Variants in DNAH7 observed in about 807,000 individuals in gnomAD.
The protein encoded by DNAH7 is axonemal beta dynein heavy chain 7.
Under a neutral mutation model 444.6 loss-of-function variants are expected in DNAH7, and 397 were observed. The observed-to-expected ratio is 0.89, with a 90% CI of 0.82 to 0.97. DNAH7 has a LOEUF of 0.97. Ranked by LOEUF, DNAH7 falls within the 50% of genes least tolerant of loss-of-function variation. The pLI, the probability that DNAH7 is intolerant of heterozygous loss-of-function variation, is 0.00. For synonymous variants in DNAH7, 1,636 were observed against 1,624.4 expected (o/e 1.01, Z -0.17); for missense variants, 4,902 against 4,800.8 (o/e 1.02, Z -0.62).
intron 35 of DNAH7, among the ~76,000 whole-genome samples, chr2:195,884,374 A>G (rs1701587070): frequency 6.6e-6 from 1 of 152,188 alleles, no homozygotes; most frequent in Non-Finnish European, 1.5e-5. Context: ...AGAGAAATCA[A>G]CTAGTCCATG....
In DNAH7 at chr2:195,895,189, T is replaced by G. The variant is rs751474818; in HGVS notation, c.4683A>C (p.Leu1561Phe). The change falls in exon 30 of 65, where the codon TTA becomes TTC. Residue 1561 changes from leucine to phenylalanine, a missense_variant. Leu to Phe is a conservative substitution (Grantham distance 22). Transcript: ENST00000312428. ...GCAAATCATTGTAATCTGGTTTTGG[T>G]AATTTTACCCCAGGAAACAAATCCG... ...ITSDLFPGVK[L>F]PKPDYNDLLA... 6.2e-7 allele frequency: 1 copy of G among 1,611,010 alleles called. No homozygotes were observed. The highest frequency in any genetic ancestry group is 8.5e-7 in the Non-Finnish European group (1 of 1,177,958).
At chr2:195,967,119 G>T (rs901326839) in intron 17 of DNAH7, among the ~76,000 whole-genome samples, 1 of 151,718 alleles carries the variant, frequency 6.6e-6, no homozygotes, top group African/African-American at 2.4e-5. Flanking sequence ...TTGTTTATCT[G>T]TTGTATATAG....
At chr2:195,769,858 A>C (rs955628210) in intron 61 of DNAH7, among the ~76,000 whole-genome samples, 16 of 152,176 alleles carry the variant, frequency 1.1e-4, no homozygotes, top group African/African-American at 3.9e-4. Context: ...AACGTGATAC[A>C]GACTCTGAAA....
intron 36 of DNAH7, among the ~76,000 whole-genome samples, chr2:195,880,584 C>G (rs902149658): frequency 3.9e-5 from 6 of 152,016 alleles, no homozygotes; most frequent in Admixed American, 1.3e-4. Flanking sequence ...GTGATCCCCC[C>G]GCCTCGGCCT....
chr2:196,047,333 G>C lies in DNAH7; in HGVS notation c.398+19C>G. 4 of 1,542,288 alleles carry C rather than the reference G, an allele frequency of 2.6e-6. No homozygotes were observed. Among genetic ancestry groups the C allele is most frequent in the Non-Finnish European group, 3.5e-6 (4 of 1,140,596 alleles). On this transcript the variant is annotated intron_variant, in intron 5 of 64. Coordinates refer to ENST00000312428, the MANE Select transcript of DNAH7 (RefSeq NM_018897.3). ...GCTCTAACATGGGTAACACGTAATG[G>C]TTAGCCTATACAACTTACATAATGA...
intron 57 of DNAH7, among the ~76,000 whole-genome samples, chr2:195,792,232 G>C (rs988189664): frequency 6.6e-6 from 1 of 150,944 alleles, no homozygotes; most frequent in African/African-American, 2.4e-5. Flanking sequence ...AGGGAGTGAG[G>C]GGGCAAGGGC....
chr2:195,985,738 GCT>G (rs1692863748), intron 14 of DNAH7, among the ~76,000 whole-genome samples: 1 of 152,172 alleles, frequency 6.6e-6, no homozygotes, highest in Non-Finnish European at 1.5e-5. Flanking sequence ...AGGGGAAGTA[GCT>G]ACGAAATTAA....
chr2:195,781,974 T>TACACACACACAC (rs1357047428), intron 58 of DNAH7, among the ~76,000 whole-genome samples: 1 of 44,380 alleles, frequency 2.3e-5, no homozygotes, highest in Non-Finnish European at 4.7e-5. Flanking sequence ...AGGTGGGTCT[T>TACACACACACAC]ATACACACAC....
chr2:195,852,891 T>TACACACACACACACACACACAC (rs4014237), intron 46 of DNAH7, among the ~76,000 whole-genome samples: 2 of 138,956 alleles, frequency 1.4e-5, no homozygotes, highest in African/African-American at 5.6e-5. Context: ...GCTGATGAAG[T>TACACACACACACACACACACAC]ACACACACAC....
chr2:195,974,869 G>A (rs558923950), intron 15 of DNAH7, among the ~76,000 whole-genome samples: 54 of 150,708 alleles, frequency 3.6e-4, no homozygotes, highest in African/African-American at 1.3e-3. Context: ...AGACTGATAC[G>A]TAAAAATTGG....
At chr2:196,065,399 A>C (rs1490659431) in intron 1 of DNAH7, among the ~76,000 whole-genome samples, 2 of 152,214 alleles carry the variant, frequency 1.3e-5, no homozygotes, top group East Asian at 3.8e-4. Flanking sequence ...ACAACTGTTA[A>C]TCCAACTGAT....
At chr2:196,042,810 T>C (rs73987677) in intron 5 of DNAH7, among the ~76,000 whole-genome samples, 6,708 of 152,132 alleles carry the variant, frequency 0.044, 342 homozygotes, top group African/African-American at 0.12. Flanking sequence ...GTTGAACATA[T>C]ACCTACTATA....
intron 12 of DNAH7, chr2:195,994,231 T>A: frequency 6.6e-6 from 2 of 303,814 alleles, no homozygotes; most frequent in Admixed American, 4.4e-5. Flanking sequence ...GTAAGGAGAA[T>A]GCACATGAAG....
chr2:196,042,500 T>C lies in DNAH7; in HGVS notation c.398+4852A>G, dbSNP rs139796229. On this transcript the variant is annotated intron_variant, in intron 5 of 64. Coordinates refer to ENST00000312428, the MANE Select transcript of DNAH7 (RefSeq NM_018897.3). Reference sequence around the variant, plus strand: ...GGAAATACATAAAGAACTCTTCCAATGCATACAGCAGCAGCAAACTACGCA... The same window carrying C: ...GGAAATACATAAAGAACTCTTCCAACGCATACAGCAGCAGCAAACTACGCA... 3.0e-3 allele frequency among the ~76,000 whole-genome samples: 463 copies of C among 152,024 alleles called. 3 individuals are homozygous for C. Among genetic ancestry groups the C allele is most frequent in the African/African-American group, 0.011 (444 of 41,528 alleles).
At chr2:195,959,474 G>A (rs1354828961) in intron 18 of DNAH7, among the ~76,000 whole-genome samples, 2 of 152,124 alleles carry the variant, frequency 1.3e-5, no homozygotes, top group Non-Finnish European at 2.9e-5. Flanking sequence ...GCATGCTGGA[G>A]CAAGCTGGCA....
chr2:195,988,623 T>C (rs1022689113), intron 12 of DNAH7, among the ~76,000 whole-genome samples: 3 of 152,160 alleles, frequency 2.0e-5, no homozygotes. Context: ...ACATTGTGTA[T>C]TGATCAAATC....
At chr2:196,009,999 A>T (rs999446140) in intron 10 of DNAH7, among the ~76,000 whole-genome samples, 1 of 152,226 alleles carries the variant, frequency 6.6e-6, no homozygotes, top group African/African-American at 2.4e-5. Context: ...AATCAAAAGC[A>T]CACTGAGATA....
At chr2:195,955,376 T>C (rs1408177270) in intron 19 of DNAH7, among the ~76,000 whole-genome samples, 1 of 152,190 alleles carries the variant, frequency 6.6e-6, no homozygotes, top group Non-Finnish European at 1.5e-5. Flanking sequence ...TCTGTTCCAT[T>C]GGTCTATATC....
intron 58 of DNAH7, among the ~76,000 whole-genome samples, chr2:195,781,628 T>C (rs1342606470): frequency 6.6e-6 from 1 of 151,910 alleles, no homozygotes; most frequent in Admixed American, 6.6e-5. Flanking sequence ...ACAACTAGTA[T>C]TCATGGTTAT....
Sources: gnomAD v4.1 joint callset for allele counts (sites outside exome capture counted in the v4.1 genomes callset) on GRCh38, gnomAD v4.1.1 for gene constraint, MANE v1.5 for transcripts, NCBI Gene and HGNC (gene_info 2026-07-23, HGNC 2026-07-21) for gene names.